The following ZNF616 variants were observed in gnomAD, a reference collection of about 807,000 sequenced individuals.
ZNF616 encodes the protein zinc finger protein 616.
In ZNF616, 5 loss-of-function variants were observed where a neutral mutation model predicts 7.6. That is an observed-to-expected ratio of 0.66 (90% CI 0.34 to 1.38). ZNF616 has a LOEUF of 1.38. ZNF616 is among the 40% of genes most tolerant of loss of function. The pLI, the probability that ZNF616 is intolerant of heterozygous loss-of-function variation, is 0.04. For missense variants in ZNF616, 913 were observed against 948.3 expected (o/e 0.96, Z 0.49); for synonymous variants, 319 against 317.2 (o/e 1.01, Z -0.06).
At position 52,139,367 on chromosome 19, in the gene ZNF616, G is replaced by A. The variant is rs532498174; in HGVS notation, c.-77+365C>T. ...CCTGGGGAGGGGAAGGACCCGGCGT[G>A]AGGAGGACACTAGGTGGCGCGCGGA... On this transcript the variant is annotated intron_variant, in intron 1 of 3. Transcript: ENST00000600228. The surrounding 1 kb of genome is among the most constrained non-coding windows in gnomAD (Gnocchi z 4.1). 1.3e-5 allele frequency among the ~76,000 whole-genome samples: 2 copies of A among 152,276 alleles called. No homozygotes were observed. The highest frequency in any genetic ancestry group is 2.1e-4 in the South Asian group (1 of 4,826).
rs555432566 is a variant in ZNF616, at chr19:52,116,409, T to C, written c.755A>G (p.Lys252Arg). The C allele has an allele frequency of 6.2e-7, 1 of 1,614,152 alleles. No homozygotes were observed. The highest frequency in any genetic ancestry group is 1.7e-5 in the Admixed American group (1 of 60,028). The change falls in exon 4 of 4, where the codon AAA becomes AGA. Residue 252 changes from lysine to arginine, a missense_variant. Transcript: ENST00000600228. ...QCDVCGKIFR[K>R]NSYFVRHQRS... ...TTGGTGTCTTACAAAATATGAATTT[T>C]TTCTGAAGATCTTGCCACATACATC...
intron 3 of ZNF616, among the ~76,000 whole-genome samples, chr19:52,119,571 A>G (rs933832102): frequency 1.3e-5 from 2 of 152,114 alleles, no homozygotes; most frequent in Non-Finnish European, 2.9e-5. Flanking sequence ...GAGAAAAGGC[A>G]AGAGGAAAGG....
chr19:52,131,343 G>T (rs1694603353), intron 1 of ZNF616, among the ~76,000 whole-genome samples: 1 of 151,480 alleles, frequency 6.6e-6, no homozygotes, highest in South Asian at 2.1e-4. Flanking sequence ...CTAACTACTG[G>T]AAGGAGAATC....
Position 52,116,478 on chromosome 19 carries a change from G to C in ZNF616, c.686C>G (p.Thr229Ser). The C allele has an allele frequency of 6.2e-7, 1 of 1,614,082 alleles. No individual in the cohort carries two copies. Among genetic ancestry groups the C allele is most frequent in the Admixed American group, 1.7e-5 (1 of 60,012 alleles). ...GKAFHRASLL[T>S]VHKVVHTRGK... The stretch of plus-strand genomic sequence containing the variant: ...TCTTGTATGGACTACCTTGTGTACA[G>C]TTAGTAGTGAGGCCCGATGAAAGGC... Residue 229 changes from threonine to serine, a missense_variant, in exon 4 of 4, where the codon ACT becomes AGT. By Grantham distance (58) the Thr-to-Ser change is moderately conservative. Coordinates refer to ENST00000600228, the MANE Select transcript of ZNF616 (RefSeq NM_178523.5).
intron 3 of ZNF616, among the ~76,000 whole-genome samples, chr19:52,122,086 A>G (rs2088868334): frequency 6.6e-6 from 1 of 151,274 alleles, no homozygotes; most frequent in Admixed American, 6.6e-5. Flanking sequence ...TTATTATAAT[A>G]TAGCACTTGT....
In ZNF616 at chr19:52,115,545, C is replaced by A; in HGVS notation, c.1619G>T (p.Arg540Leu). 6.2e-7 allele frequency: 1 copy of A among 1,613,480 alleles called. No homozygotes were observed. The highest frequency in any genetic ancestry group is 1.1e-5 in the South Asian group (1 of 91,030). The change falls in exon 4 of 4, where the codon CGG becomes CTG. Residue 540 changes from arginine to leucine, a missense_variant. By Grantham distance (102) the Arg-to-Leu change is moderately radical. Coordinates refer to ENST00000600228, the MANE Select transcript of ZNF616 (RefSeq NM_178523.5). ...FSDRSAFARHRRIHTGEKPYK... is the reference protein window; with the variant it reads ...FSDRSAFARHLRIHTGEKPYK... ...AGGCTTCTCTCCAGTATGAATTCTCCGATGCCTTGCAAAAGCTGAACGGTC... is the reference window on the plus strand; with the variant it reads ...AGGCTTCTCTCCAGTATGAATTCTCAGATGCCTTGCAAAAGCTGAACGGTC...
chr19:52,131,887 C>A (rs2088963294), intron 1 of ZNF616, among the ~76,000 whole-genome samples: 1 of 151,992 alleles, frequency 6.6e-6, no homozygotes. Context: ...AACTGAGGGG[C>A]CAGAGAGTTC....
chr19:52,118,252 T>C (rs1446758478), intron 3 of ZNF616, among the ~76,000 whole-genome samples: 1 of 152,198 alleles, frequency 6.6e-6, no homozygotes, highest in African/African-American at 2.4e-5. Flanking sequence ...CCTGGTCCTA[T>C]TCATTGCCTC....
At chr19:52,137,711 T>C (rs376678958) in intron 1 of ZNF616, among the ~76,000 whole-genome samples, 4 of 152,048 alleles carry the variant, frequency 2.6e-5, no homozygotes, top group African/African-American at 9.7e-5. Flanking sequence ...TCGTGGTGAG[T>C]TTACCGCACT....
chr19:52,134,846 GA>G, intron 1 of ZNF616, among the ~76,000 whole-genome samples: 1 of 152,252 alleles, frequency 6.6e-6, no homozygotes, highest in East Asian at 1.9e-4. Flanking sequence ...CTTGCCTGGA[GA>G]AAATATCCCT....
chr19:52,134,763 C>T (rs1434268717), intron 1 of ZNF616, among the ~76,000 whole-genome samples: 1 of 152,164 alleles, frequency 6.6e-6, no homozygotes, highest in African/African-American at 2.4e-5. Context: ...CCTGCAATTA[C>T]TAGGCCTGTC....
rs2088788428 is a variant in ZNF616, at chr19:52,113,458, G to A, written c.*1360C>T. On this transcript the variant is annotated 3_prime_UTR_variant, in exon 4 of 4. Transcript: ENST00000600228. The stretch of plus-strand genomic sequence containing the variant: ...CTGCAAAGGCGTGGACATTGGTTTT[G>A]TCTCACTTTAAGTTCTGGGTACATG... 1 of 152,188 alleles carries A rather than the reference G, an allele frequency of 6.6e-6. No individual in the cohort carries two copies. Among genetic ancestry groups the A allele is most frequent in the South Asian group, 2.1e-4 (1 of 4,834 alleles). The allele number at this position is 152,188 out of a possible 1,614,324, so 9.4% of individuals were successfully genotyped here. A position where few individuals can be genotyped will look rare whatever the true frequency, so the allele number is the denominator to read the frequency against.
At chr19:52,126,204 G>C (rs1227105111) in intron 2 of ZNF616, among the ~76,000 whole-genome samples, 1 of 152,118 alleles carries the variant, frequency 6.6e-6, no homozygotes, top group Non-Finnish European at 1.5e-5. Flanking sequence ...TGAAAGAAAT[G>C]GCAATTTACA....
At chr19:52,121,042 A>C (rs1240467157) in intron 3 of ZNF616, among the ~76,000 whole-genome samples, 3 of 152,210 alleles carry the variant, frequency 2.0e-5, no homozygotes, top group African/African-American at 7.2e-5. Flanking sequence ...AAATATTTAA[A>C]AGTAAAACTT....
At position 52,115,139 on chromosome 19, in the gene ZNF616, G is replaced by A. The variant is rs911541044; in HGVS notation, c.2025C>T (p.Asn675=). The stretch of plus-strand genomic sequence containing the variant: ...CATGAATTATCTGATGTGCAGTGAG[G>A]TTTGAGCTCCGTTTAAAGGTTTTGC... ...ECGKTFKRSS[N]LTAHQIIHAG... Residue 675 remains asparagine (N), a synonymous_variant, in exon 4 of 4, where the codon AAC becomes AAT. Transcript: ENST00000600228. 2 of 1,613,804 alleles carry A rather than the reference G, an allele frequency of 1.2e-6. No individual in the cohort carries two copies. Among genetic ancestry groups the A allele is most frequent in the Admixed American group, 1.7e-5 (1 of 59,984 alleles).
chr19:52,131,362 G>A (rs937345470), intron 1 of ZNF616, among the ~76,000 whole-genome samples: 1 of 151,926 alleles, frequency 6.6e-6, no homozygotes, highest in African/African-American at 2.4e-5. Flanking sequence ...TCTCTATAAG[G>A]GGGAATGAAC....
At chr19:52,124,937 T>G (rs1244546247) in intron 2 of ZNF616, among the ~76,000 whole-genome samples, 2 of 152,086 alleles carry the variant, frequency 1.3e-5, no homozygotes, top group East Asian at 3.9e-4. Flanking sequence ...AGCAGTGAAC[T>G]CCGTAGGATA....
In ZNF616 at chr19:52,114,379, A is replaced by T. The variant is rs1456738691; in HGVS notation, c.*439T>A. 1.3e-5 allele frequency: 2 copies of T among 157,774 alleles called. No individual in the cohort carries two copies. Among genetic ancestry groups the T allele is most frequent in the African/African-American group, 4.9e-5 (2 of 41,098 alleles). 9.8% of individuals were successfully genotyped at this position (157,774 alleles called of 1,614,324 possible). ...TATTAGGTCATAACTGCATTGCTAC[A>T]AAAAAAAACCTGAGGCTGGCTAATG... On this transcript the variant is annotated 3_prime_UTR_variant, in exon 4 of 4. Coordinates refer to ENST00000600228, the MANE Select transcript of ZNF616 (RefSeq NM_178523.5).
chr19:52,130,701 A>AG, intron 1 of ZNF616, 113 bp from the exon 2 acceptor site: 1 of 692,520 alleles, frequency 1.4e-6, no homozygotes, highest in Admixed American at 2.9e-5. Flanking sequence ...CCACTGCACC[A>AG]GGGGGGATGC....
Sources: allele counts gnomAD v4.1 joint callset (sites outside exome capture counted in the v4.1 genomes callset), GRCh38; gene constraint gnomAD v4.1.1; non-coding constraint Gnocchi (gnomAD v3.1); transcripts MANE v1.5; gene names NCBI Gene and HGNC (gene_info 2026-07-23, HGNC 2026-07-21).